PDZD2: variants seen among roughly 807,000 people sequenced by gnomAD.
PDZD2 encodes PDZ domain containing 2.
PDZD2 carries 90 observed loss-of-function variants against 220.7 expected under a neutral mutation model. The observed-to-expected ratio is 0.41, with a 90% CI of 0.34 to 0.49. PDZD2 has a LOEUF of 0.49. Ranked by LOEUF, PDZD2 falls within the 20% of genes least tolerant of loss-of-function variation. PDZD2 has a pLI of 0.28. For synonymous variants in PDZD2, 1,375 were observed against 1,450.5 expected (o/e 0.95, Z 1.18); for missense variants, 3,174 against 3,608.5 (o/e 0.88, Z 3.08).
At chr5:31,645,952 G>A (rs532573427) in intron 1 of PDZD2, among the ~76,000 whole-genome samples, 7 of 152,038 alleles carry the variant, frequency 4.6e-5, no homozygotes, top group African/African-American at 1.7e-4. Context: ...TAGGGGGAAG[G>A]GGGTGGGGAA....
chr5:31,963,159 A>T (rs757543503), intron 2 of PDZD2, among the ~76,000 whole-genome samples: 3 of 152,144 alleles, frequency 2.0e-5, no homozygotes, highest in Non-Finnish European at 4.4e-5. Flanking sequence ...TGCTGTGGGC[A>T]TTTTCTCCCA....
At chr5:31,665,710 T>C (rs1426062231) in intron 1 of PDZD2, among the ~76,000 whole-genome samples, 5 of 143,954 alleles carry the variant, frequency 3.5e-5, no homozygotes, top group Admixed American at 1.5e-4. Flanking sequence ...TCTGCCATGA[T>C]TGTAAGTTTC....
intron 7 of PDZD2, among the ~76,000 whole-genome samples, chr5:32,041,867 AC>A (rs1756183056): frequency 6.7e-6 from 1 of 149,674 alleles, no homozygotes. Flanking sequence ...AACAACAACA[AC>A]AACAACAAAA....
chr5:31,788,683 T>TAAATAAATAATA (rs1561460551), intron 1 of PDZD2, among the ~76,000 whole-genome samples: 1 of 150,954 alleles, frequency 6.6e-6, no homozygotes, highest in African/African-American at 2.4e-5. Flanking sequence ...ATAAATAAAT[T>TAAATAAATAATA]AAATAAATAA....
chr5:31,928,243 T>G (rs1233572603), intron 2 of PDZD2, among the ~76,000 whole-genome samples: 2 of 152,124 alleles, frequency 1.3e-5, no homozygotes, highest in African/African-American at 4.8e-5. Flanking sequence ...AACCATTTGA[T>G]AAAGTAAGAT....
At chr5:31,967,791 C>T (rs1748891001) in intron 2 of PDZD2, among the ~76,000 whole-genome samples, 1 of 152,128 alleles carries the variant, frequency 6.6e-6, no homozygotes, top group Non-Finnish European at 1.5e-5. Flanking sequence ...CTCTGAAGGA[C>T]AAGTCATAGC....
chr5:31,742,804 C>A (rs1298907090), intron 1 of PDZD2, among the ~76,000 whole-genome samples: 1 of 152,148 alleles, frequency 6.6e-6, no homozygotes, highest in African/African-American at 2.4e-5. Context: ...TTAGAACAAG[C>A]CCTGGTACAC....
At chr5:31,893,319 T>C (rs568228267) in intron 2 of PDZD2, among the ~76,000 whole-genome samples, 3 of 152,176 alleles carry the variant, frequency 2.0e-5, no homozygotes, top group East Asian at 3.9e-4. Context: ...GCCTGTAATC[T>C]CAGCACTTTG....
In PDZD2 at chr5:31,779,857, C is replaced by G. The variant is rs181540639; in HGVS notation, c.-360-19032C>G. 2.7e-4 allele frequency among the ~76,000 whole-genome samples: 41 copies of G among 152,176 alleles called. No individual in the cohort carries two copies. The East Asian group carries it at 5.2e-3, about 19-fold the overall frequency. Reference sequence around the variant, plus strand: ...TCACGTGTTCGTTTTTATTAGTGTCCATGATTAATCTGTATTGTATTTTCT... The same window carrying G: ...TCACGTGTTCGTTTTTATTAGTGTCGATGATTAATCTGTATTGTATTTTCT... On this transcript the variant is annotated intron_variant, in intron 1 of 24. Coordinates refer to ENST00000438447, the MANE Select transcript of PDZD2 (RefSeq NM_178140.4).
rs530886488 is a variant in PDZD2 at position 31,724,033 on chromosome 5, A to G, written c.-360-74856A>G. The stretch of plus-strand genomic sequence containing the variant: ...AAGTGCTGTAAACATCAAAATTTCA[A>G]TTCTTTTACACAGTGCACACACACA... On this transcript the variant is annotated intron_variant, in intron 1 of 24. Coordinates refer to ENST00000438447, the MANE Select transcript of PDZD2 (RefSeq NM_178140.4). 7.7e-4 allele frequency among the ~76,000 whole-genome samples: 117 copies of G among 152,316 alleles called. 1 individual carries two copies. Among genetic ancestry groups the G allele is most frequent in the Non-Finnish European group, 1.3e-3 (91 of 68,034 alleles).
intron 6 of PDZD2, among the ~76,000 whole-genome samples, chr5:32,023,762 A>C (rs531255702): frequency 6.6e-6 from 1 of 152,322 alleles, no homozygotes; most frequent in Admixed American, 6.5e-5. Flanking sequence ...GTAGGGCTAG[A>C]GTATGAACTA....
Position 31,995,655 on chromosome 5 carries a change from G to C in PDZD2, c.1058G>C (p.Gly353Ala), listed in dbSNP as rs1224860170. Reference sequence around the variant, plus strand: ...GGAATTCAGGTTAGTGGAGGCCGAGGATCAAAGCGCTCACCTCACGCTATC... The same window carrying C: ...GGAATTCAGGTTAGTGGAGGCCGAGCATCAAAGCGCTCACCTCACGCTATC... ...GLGIQVSGGRGSKRSPHAIVV... is the reference protein window; with the variant it reads ...GLGIQVSGGRASKRSPHAIVV... Residue 353 changes from glycine to alanine, a missense_variant, in exon 4 of 25, where the codon GGA becomes GCA. Coordinates refer to ENST00000438447, the MANE Select transcript of PDZD2 (RefSeq NM_178140.4). 2.5e-6 allele frequency: 4 copies of C among 1,614,138 alleles called. No individual in the cohort carries two copies. Among genetic ancestry groups the C allele is most frequent in the Non-Finnish European group, 3.4e-6 (4 of 1,180,036 alleles).
chr5:31,956,391 A>G (rs1417037064), intron 2 of PDZD2, among the ~76,000 whole-genome samples: 1 of 143,444 alleles, frequency 7.0e-6, no homozygotes. Flanking sequence ...AAACATTGAG[A>G]GGAAACTCAA....
chr5:31,924,633 G>A (rs1387259040), intron 2 of PDZD2, among the ~76,000 whole-genome samples: 8 of 152,150 alleles, frequency 5.3e-5, no homozygotes, highest in Admixed American at 4.6e-4. Flanking sequence ...TTTATGTGGC[G>A]CATGTGCTTA....
chr5:31,816,965 C>T, intron 2 of PDZD2, among the ~76,000 whole-genome samples: 1 of 152,020 alleles, frequency 6.6e-6, no homozygotes, highest in East Asian at 1.9e-4. Context: ...AGACGGATCA[C>T]GAGGTTAGGA....
intron 19 of PDZD2, among the ~76,000 whole-genome samples, chr5:32,086,806 AGCTGGGATTACAGGT>A (rs150610651): frequency 0.033 from 4,909 of 146,860 alleles, 192 homozygotes; most frequent in African/African-American, 0.095. Flanking sequence ...CCTCCCAAGT[AGCTGGGATTACAGGT>A]GCCCACCCCC....
At chr5:31,880,779 T>G (rs1460589136) in intron 2 of PDZD2, among the ~76,000 whole-genome samples, 1 of 142,312 alleles carries the variant, frequency 7.0e-6, no homozygotes, top group Non-Finnish European at 1.5e-5. Flanking sequence ...AAGGTAGCTT[T>G]CTTTTTTTTT....
At chr5:32,028,730 T>C (rs1305292021) in intron 6 of PDZD2, among the ~76,000 whole-genome samples, 1 of 150,000 alleles carries the variant, frequency 6.7e-6, no homozygotes, top group African/African-American at 2.5e-5. Flanking sequence ...TTGCCCAGGC[T>C]GGAGTGCAGT....
intron 2 of PDZD2, among the ~76,000 whole-genome samples, chr5:31,926,137 T>G (rs1311259331): frequency 6.6e-6 from 1 of 151,784 alleles, no homozygotes. Context: ...AGGGGATCCC[T>G]TGAGCCCAGG....
Sources: gnomAD v4.1 joint callset for allele counts (sites outside exome capture counted in the v4.1 genomes callset) on GRCh38, gnomAD v4.1.1 for gene constraint, MANE v1.5 for transcripts, NCBI Gene and HGNC (gene_info 2026-07-23, HGNC 2026-07-21) for gene names.